The following PXDNL variants were observed in gnomAD, a reference collection of about 807,000 sequenced individuals.
PXDNL encodes peroxidasin like.
A neutral mutation model predicts 150.8 loss-of-function variants in PXDNL; 145 were observed. That is an observed-to-expected ratio of 0.96 (90% CI 0.84 to 1.10). The LOEUF (loss-of-function observed/expected upper bound fraction) is 1.10. PXDNL is among the 50% of genes least tolerant of loss of function. PXDNL has a pLI of 0.00. For missense variants in PXDNL, 2,087 were observed against 1,873.9 expected (o/e 1.11, Z -2.10); for synonymous variants, 757 against 725.7 (o/e 1.04, Z -0.69).
chr8:51,591,641 C>CA (rs1201433565), intron 3 of PXDNL, among the ~76,000 whole-genome samples: 1 of 150,318 alleles, frequency 6.7e-6, no homozygotes, highest in Non-Finnish European at 1.5e-5. Context: ...TTTTTTGAGA[C>CA]AGAGTCTCAC....
intron 3 of PXDNL, among the ~76,000 whole-genome samples, chr8:51,562,962 C>A (rs1285665064): frequency 6.6e-6 from 1 of 151,916 alleles, no homozygotes; most frequent in African/African-American, 2.4e-5. Flanking sequence ...GGAGCTGTCA[C>A]AGGAGAGGTT....
intron 8 of PXDNL, among the ~76,000 whole-genome samples, chr8:51,463,703 C>T (rs1164869760): frequency 6.6e-6 from 1 of 152,028 alleles, no homozygotes; most frequent in Non-Finnish European, 1.5e-5. Context: ...ATGTACTTAG[C>T]CATAAAGCAA....
chr8:51,711,940 GACA>G (rs775612335), intron 1 of PXDNL, among the ~76,000 whole-genome samples: 5 of 152,216 alleles, frequency 3.3e-5, no homozygotes, highest in Non-Finnish European at 5.9e-5. Flanking sequence ...CAATCACTGA[GACA>G]ACAAGTATTG....
At chr8:51,582,994 AC>A (rs1333357012) in intron 3 of PXDNL, among the ~76,000 whole-genome samples, 1 of 152,230 alleles carries the variant, frequency 6.6e-6, no homozygotes, top group Non-Finnish European at 1.5e-5. Flanking sequence ...GGAAGGAAAT[AC>A]CATCTAGCAC....
chr8:51,772,241 C>CACACAT (rs1223838156), intron 1 of PXDNL, among the ~76,000 whole-genome samples: 20 of 150,388 alleles, frequency 1.3e-4, no homozygotes, highest in African/African-American at 4.7e-4. Context: ...TCTATATACA[C>CACACAT]ACACACACAC....
chr8:51,406,401 T>G (rs772763688), intron 17 of PXDNL, among the ~76,000 whole-genome samples: 2 of 152,196 alleles, frequency 1.3e-5, no homozygotes, highest in Middle Eastern at 3.2e-3. Flanking sequence ...CTCCTTGCAA[T>G]ACACCTTCCA....
chr8:51,579,857 A>T (rs1159416807), intron 3 of PXDNL, among the ~76,000 whole-genome samples: 1 of 151,978 alleles, frequency 6.6e-6, no homozygotes, highest in Non-Finnish European at 1.5e-5. Context: ...ATGCTGATGA[A>T]AAAAGGCTTT....
At chr8:51,676,350 C>T (rs1815622442) in intron 1 of PXDNL, among the ~76,000 whole-genome samples, 1 of 152,024 alleles carries the variant, frequency 6.6e-6, no homozygotes, top group Non-Finnish European at 1.5e-5. Flanking sequence ...GATTTCGGCT[C>T]ACCACAACCT....
chr8:51,664,413 G>A (rs1044063837), intron 1 of PXDNL, among the ~76,000 whole-genome samples: 1 of 152,048 alleles, frequency 6.6e-6, no homozygotes, highest in African/African-American at 2.4e-5. Flanking sequence ...GTTATATTAT[G>A]CAATGATTTC....
intron 1 of PXDNL, among the ~76,000 whole-genome samples, chr8:51,684,369 T>C (rs976788120): frequency 2.0e-5 from 3 of 152,206 alleles, no homozygotes; most frequent in African/African-American, 7.2e-5. Flanking sequence ...AAGGCATTAA[T>C]TCCAGGATAG....
At chr8:51,494,972 T>C (rs993807233) in intron 5 of PXDNL, among the ~76,000 whole-genome samples, 4 of 152,092 alleles carry the variant, frequency 2.6e-5, no homozygotes, top group Non-Finnish European at 4.4e-5. Context: ...ATCAACAGAA[T>C]ATACATTCTT....
At chr8:51,746,919 C>T (rs1279361396) in intron 1 of PXDNL, among the ~76,000 whole-genome samples, 4 of 152,038 alleles carry the variant, frequency 2.6e-5, no homozygotes, top group East Asian at 3.9e-4. Context: ...GACAGGGTTT[C>T]GCCCTGTTGG....
chr8:51,351,839 T>C (rs1806362901), intron 19 of PXDNL, among the ~76,000 whole-genome samples: 1 of 152,052 alleles, frequency 6.6e-6, no homozygotes, highest in South Asian at 2.1e-4. Context: ...GCCCTCTCCA[T>C]AATAAATAAA....
intron 4 of PXDNL, among the ~76,000 whole-genome samples, chr8:51,533,656 G>GTT (rs574143121): frequency 4.8e-5 from 7 of 144,348 alleles, no homozygotes; most frequent in South Asian, 2.2e-4. Context: ...ACTGGTTTTC[G>GTT]TTTTTTTTTT....
At chr8:51,771,790 A>G (rs991955460) in intron 1 of PXDNL, among the ~76,000 whole-genome samples, 4 of 152,220 alleles carry the variant, frequency 2.6e-5, no homozygotes, top group African/African-American at 4.8e-5. Context: ...GCAGCTAAGC[A>G]TGAAGTTTCT....
chr8:51,420,659 A>G (rs1586092526), intron 14 of PXDNL, among the ~76,000 whole-genome samples: 1 of 152,306 alleles, frequency 6.6e-6, no homozygotes, highest in East Asian at 1.9e-4. Context: ...AATCTGGTAA[A>G]TAAAGTGATT....
At chr8:51,452,582 A>G (rs1809829844) in intron 10 of PXDNL, among the ~76,000 whole-genome samples, 1 of 152,216 alleles carries the variant, frequency 6.6e-6, no homozygotes. Flanking sequence ...TCTTGGGGCC[A>G]CTGGGGCTCA....
intron 17 of PXDNL, among the ~76,000 whole-genome samples, chr8:51,379,042 C>T (rs1222197839): frequency 6.6e-6 from 1 of 152,212 alleles, no homozygotes; most frequent in Non-Finnish European, 1.5e-5. Context: ...AGCGCTAGGA[C>T]TCCCCAGCCT....
chr8:51,377,780 C>G (rs865821715), intron 17 of PXDNL, among the ~76,000 whole-genome samples: 2 of 152,212 alleles, frequency 1.3e-5, no homozygotes, highest in South Asian at 2.1e-4. Context: ...ACCTGCAGCC[C>G]GCCATGCCTG....
Sources: gnomAD v4.1 joint callset for allele counts (sites outside exome capture counted in the v4.1 genomes callset) on GRCh38, gnomAD v4.1.1 for gene constraint, MANE v1.5 for transcripts, NCBI Gene and HGNC (gene_info 2026-07-23, HGNC 2026-07-21) for gene names.